The following CSMD1 variants were observed in gnomAD, a reference collection of about 807,000 sequenced individuals.
CSMD1 encodes CUB and sushi domain-containing protein 1.
A neutral mutation model predicts 417.5 loss-of-function variants in CSMD1; 213 were observed. The observed-to-expected ratio is 0.51, with a 90% CI of 0.46 to 0.57. The LOEUF (loss-of-function observed/expected upper bound fraction) is 0.57, where lower values mean the gene tolerates loss of function less well. CSMD1 is among the 20% of genes least tolerant of loss of function. The pLI, the probability that CSMD1 is intolerant of heterozygous loss-of-function variation, is 0.00. For missense variants in CSMD1, 6,923 were observed against 4,529.7 expected, an observed-to-expected ratio of 1.53 and a Z score of -15.17; for synonymous variants, 2,862 against 1,736.8, an observed-to-expected ratio of 1.65 and a Z score of -16.11.
intron 29 of CSMD1, among the ~76,000 whole-genome samples, chr8:3,218,648 G>C (rs1160529620): frequency 6.6e-6 from 1 of 151,790 alleles, no homozygotes; most frequent in African/African-American, 2.4e-5. Flanking sequence ...GAGGCAGGTG[G>C]ATCACCTGAG....
chr8:4,268,126 T>C lies in CSMD1; in HGVS notation c.415+151827A>G, dbSNP rs191203978. On this transcript the variant is annotated intron_variant, in intron 3 of 69. Coordinates refer to ENST00000635120, the MANE Select transcript of CSMD1 (RefSeq NM_033225.6). ...ACCTAATCCAAGAATATTGACACTG[T>C]TAAACATATGTCCAAATCCAAAATG... Among the ~76,000 whole-genome samples the C allele has an allele frequency of 2.0e-5, 3 of 152,260 alleles. No homozygotes were observed. In the East Asian group the frequency reaches 5.8e-4, roughly 29 times the overall value.
At chr8:3,179,003 A>G (rs948074868) in intron 37 of CSMD1, among the ~76,000 whole-genome samples, 14 of 146,762 alleles carry the variant, frequency 9.5e-5, no homozygotes, top group South Asian at 2.1e-4. Context: ...GCTGGAGTGC[A>G]GTGGCGCGAT....
intron 5 of CSMD1, among the ~76,000 whole-genome samples, chr8:3,896,921 A>C (rs1807409805): frequency 6.6e-6 from 1 of 151,974 alleles, no homozygotes; most frequent in African/African-American, 2.4e-5. Context: ...AACAACCTCT[A>C]TCTCACAAAT....
At chr8:3,407,766 C>T in intron 14 of CSMD1, 133 bp downstream of exon 14, 2 of 792,684 alleles carry the variant, frequency 2.5e-6, no homozygotes, top group Non-Finnish European at 4.0e-6. Flanking sequence ...AATTTTACTA[C>T]TGTCATTTTC....
At chr8:3,789,673 G>T (rs950209527) in intron 5 of CSMD1, among the ~76,000 whole-genome samples, 2 of 149,226 alleles carry the variant, frequency 1.3e-5, no homozygotes, top group African/African-American at 4.9e-5. Flanking sequence ...AATGAGACAT[G>T]TATGACCTTG....
intron 66 of CSMD1, 69 bp downstream of exon 66, chr8:2,951,045 C>G: frequency 2.0e-6 from 3 of 1,499,510 alleles, no homozygotes; most frequent in Non-Finnish European, 2.7e-6. Flanking sequence ...ACTAGATCAC[C>G]TCTCTGTGAA....
rs376344595 is a variant in CSMD1 at position 2,951,107 on chromosome 8, G to A, written c.10201+7C>T. On this transcript the variant is annotated splice_region_variant and intron_variant, in intron 66 of 69. Transcript: ENST00000635120. Reference sequence around the variant, plus strand: ...ACCATGCGTTTAGTGAATTCTTCGGGACCTACCTGTCAACTTCAGCTCCAC... The same window carrying A: ...ACCATGCGTTTAGTGAATTCTTCGGAACCTACCTGTCAACTTCAGCTCCAC... The A allele has an allele frequency of 1.2e-5, 20 of 1,610,638 alleles. No individual in the cohort carries two copies. The highest frequency in any genetic ancestry group is 2.7e-5 in the African/African-American group (2 of 74,804).
chr8:4,256,868 G>T (rs758461135), intron 3 of CSMD1, among the ~76,000 whole-genome samples: 3 of 152,164 alleles, frequency 2.0e-5, no homozygotes, highest in East Asian at 1.9e-4. Context: ...CGCATAAAGG[G>T]GGAGAATCGC....
At chr8:4,880,566 A>G (rs1803325451) in intron 1 of CSMD1, among the ~76,000 whole-genome samples, 1 of 151,988 alleles carries the variant, frequency 6.6e-6, no homozygotes, top group Admixed American at 6.6e-5. Flanking sequence ...CCTCTTTACT[A>G]CATAGACACA....
intron 68 of CSMD1, among the ~76,000 whole-genome samples, chr8:2,943,859 A>C (rs1350979037): frequency 3.9e-5 from 6 of 152,242 alleles, no homozygotes; most frequent in Non-Finnish European, 1.5e-5. Flanking sequence ...TCTTATTTCC[A>C]GAATTTATAA....
intron 1 of CSMD1, among the ~76,000 whole-genome samples, chr8:4,979,622 A>G (rs1338564652): frequency 1.3e-5 from 2 of 152,238 alleles, no homozygotes; most frequent in Non-Finnish European, 2.9e-5. Context: ...GCAATTGTCT[A>G]ATTGTTCTAA....
chr8:4,135,036 G>C (rs1050480100), intron 3 of CSMD1, among the ~76,000 whole-genome samples: 4 of 152,180 alleles, frequency 2.6e-5, no homozygotes, highest in East Asian at 1.9e-4. Context: ...TGAGAGGATA[G>C]ACCCCTTTCT....
intron 25 of CSMD1, among the ~76,000 whole-genome samples, chr8:3,285,759 C>G (rs1190074567): frequency 6.6e-6 from 1 of 151,830 alleles, no homozygotes; most frequent in African/African-American, 2.4e-5. Flanking sequence ...TCCACTCCAC[C>G]AAATCATTGG....
At chr8:3,397,477 C>T (rs927983051) in intron 16 of CSMD1, among the ~76,000 whole-genome samples, 1 of 152,178 alleles carries the variant, frequency 6.6e-6, no homozygotes, top group African/African-American at 2.4e-5. Context: ...ATGTGGTACC[C>T]TGGGCCCCAT....
chr8:3,728,817 C>G (rs938839754), intron 6 of CSMD1, among the ~76,000 whole-genome samples: 11 of 152,236 alleles, frequency 7.2e-5, no homozygotes, highest in African/African-American at 2.4e-4. Flanking sequence ...TGATAATGCC[C>G]CCTTAATATT....
At chr8:3,235,087 A>G (rs993590308) in intron 26 of CSMD1, among the ~76,000 whole-genome samples, 3 of 152,226 alleles carry the variant, frequency 2.0e-5, no homozygotes, top group African/African-American at 7.2e-5. Context: ...CACAGTTTAT[A>G]TAGGTTAAAA....
At chr8:3,529,180 T>A (rs1202021722) in intron 10 of CSMD1, among the ~76,000 whole-genome samples, 4 of 152,234 alleles carry the variant, frequency 2.6e-5, no homozygotes, top group African/African-American at 9.6e-5. Flanking sequence ...ATTTAGGTCC[T>A]ACTGTTTGAA....
intron 1 of CSMD1, among the ~76,000 whole-genome samples, chr8:4,818,786 A>G (rs970734944): frequency 2.0e-5 from 3 of 152,230 alleles, no homozygotes; most frequent in Non-Finnish European, 4.4e-5. Context: ...GTACTTTGTA[A>G]AACAAAAGTA....
intron 2 of CSMD1, among the ~76,000 whole-genome samples, chr8:4,552,338 T>A (rs1797911094): frequency 6.6e-6 from 1 of 152,124 alleles, no homozygotes; most frequent in Non-Finnish European, 1.5e-5. Flanking sequence ...CACATTCTTT[T>A]TTTTTTCTTT....
Sources: allele counts gnomAD v4.1 joint callset (sites outside exome capture counted in the v4.1 genomes callset), GRCh38; gene constraint gnomAD v4.1.1; transcripts MANE v1.5; gene names NCBI Gene and HGNC (gene_info 2026-07-23, HGNC 2026-07-21).